Variants in CEP112 observed in about 807,000 individuals in gnomAD.
The protein encoded by CEP112 is centrosomal protein 112.
Under a neutral mutation model 153.0 loss-of-function variants are expected in CEP112, and 127 were observed. That is an observed-to-expected ratio of 0.83 (90% CI 0.72 to 0.96). The LOEUF is 0.96. Ranked by LOEUF, CEP112 falls within the 40% of genes least tolerant of loss-of-function variation. CEP112 has a pLI of 0.00. For missense variants in CEP112, 1,089 were observed against 1,101.2 expected (o/e 0.99, Z 0.16); for synonymous variants, 358 against 374.4 (o/e 0.96, Z 0.51).
chr17:65,889,406 C>T (rs1318519736), intron 20 of CEP112, among the ~76,000 whole-genome samples: 1 of 152,178 alleles, frequency 6.6e-6, no homozygotes, highest in African/African-American at 2.4e-5. Context: ...TATTCAGAAG[C>T]ATTTGCCCAT....
chr17:66,027,597 A>C (rs1276732830), intron 15 of CEP112, 37 bp from the exon 16 acceptor site: 1 of 1,171,192 alleles, frequency 8.5e-7, no homozygotes, highest in East Asian at 3.5e-5. Flanking sequence ...TTATACTTTA[A>C]ATTATACTAG....
chr17:65,667,359 C>T (rs556112536), intron 24 of CEP112, among the ~76,000 whole-genome samples: 9 of 151,864 alleles, frequency 5.9e-5, no homozygotes, highest in Admixed American at 2.6e-4. Context: ...TGTAGAAGCC[C>T]GATGAATTAC....
chr17:65,816,205 T>C (rs2056252524), intron 21 of CEP112, among the ~76,000 whole-genome samples: 1 of 152,038 alleles, frequency 6.6e-6, no homozygotes, highest in Non-Finnish European at 1.5e-5. Flanking sequence ...AAATCACCCA[T>C]TAAAATGTCC....
intron 4 of CEP112, among the ~76,000 whole-genome samples, chr17:66,133,009 A>G (rs1442841236): frequency 1.3e-5 from 2 of 152,072 alleles, no homozygotes; most frequent in Non-Finnish European, 2.9e-5. Context: ...ACTGCACTCC[A>G]GCCTGGGAGA....
chr17:66,133,195 C>T (rs1373704766), intron 4 of CEP112, among the ~76,000 whole-genome samples: 2 of 151,996 alleles, frequency 1.3e-5, no homozygotes, highest in Non-Finnish European at 2.9e-5. Context: ...TATGCAAATG[C>T]TATTTTTAAG....
chr17:65,789,254 C>T (rs2054458473), intron 21 of CEP112, among the ~76,000 whole-genome samples: 1 of 152,136 alleles, frequency 6.6e-6, no homozygotes, highest in South Asian at 2.1e-4. Context: ...GACAGTCCTG[C>T]CAACTTTTAC....
chr17:66,076,810 C>T (rs1424288607), intron 8 of CEP112, among the ~76,000 whole-genome samples: 2 of 152,194 alleles, frequency 1.3e-5, no homozygotes, highest in African/African-American at 4.8e-5. Context: ...CCATTTCACC[C>T]TCATGCCACC....
At position 66,027,500 on chromosome 17, in the gene CEP112, C is replaced by T. The variant is rs1335903500; in HGVS notation, c.1656+1G>A. 2.2e-6 allele frequency: 3 copies of T among 1,342,538 alleles called. No homozygotes were observed. The highest frequency in any genetic ancestry group is 2.0e-6 in the Non-Finnish European group (2 of 1,006,282). 83.2% of individuals were successfully genotyped at this position (1,342,538 alleles called of 1,614,324 possible). ...TTTATAGCTTCCATAAAACATATTA[C>T]CTTTTTTTCATAGATGTGTTTTAAA... On this transcript the variant is annotated splice_donor_variant, in intron 16 of 26. Coordinates refer to ENST00000535342, the MANE Select transcript of CEP112 (RefSeq NM_001199165.4). LOFTEE classifies it high-confidence loss of function.
chr17:65,697,032 T>C (rs2048394348), intron 23 of CEP112, among the ~76,000 whole-genome samples: 1 of 152,188 alleles, frequency 6.6e-6, no homozygotes, highest in African/African-American at 2.4e-5. Flanking sequence ...AGAAGATAAC[T>C]AGAAGAGGAA....
At chr17:65,903,448 T>C (rs2059949334) in intron 19 of CEP112, 1 of 152,206 alleles carries the variant, frequency 6.6e-6, no homozygotes, top group African/African-American at 2.4e-5. Context: ...AAATTTGAAA[T>C]TCTTATCCCT....
intron 22 of CEP112, among the ~76,000 whole-genome samples, chr17:65,743,568 ATTCT>A: frequency 6.6e-6 from 1 of 152,202 alleles, no homozygotes; most frequent in East Asian, 1.9e-4. Flanking sequence ...GAGAAAAGCT[ATTCT>A]GCTTTTCATA....
chr17:65,938,693 AC>A (rs2144430645), intron 18 of CEP112, among the ~76,000 whole-genome samples: 1 of 152,302 alleles, frequency 6.6e-6, no homozygotes, highest in East Asian at 1.9e-4. Flanking sequence ...TATACAGAAA[AC>A]CCTAAGGATT....
intron 8 of CEP112, among the ~76,000 whole-genome samples, chr17:66,071,365 T>G (rs1204822204): frequency 6.6e-6 from 1 of 152,054 alleles, no homozygotes; most frequent in African/African-American, 2.4e-5. Context: ...GACAATCTAA[T>G]TCCATGTAAA....
At chr17:66,009,925 G>A (rs903571817) in intron 16 of CEP112, among the ~76,000 whole-genome samples, 2 of 152,138 alleles carry the variant, frequency 1.3e-5, no homozygotes, top group African/African-American at 2.4e-5. Flanking sequence ...TTTTGCTTAC[G>A]ATTGTCTTGG....
intron 8 of CEP112, among the ~76,000 whole-genome samples, chr17:66,079,019 C>T (rs2067613304): frequency 6.6e-6 from 1 of 152,098 alleles, no homozygotes; most frequent in African/African-American, 2.4e-5. Flanking sequence ...TATGAAACAT[C>T]ACTAATCATC....
intron 20 of CEP112, among the ~76,000 whole-genome samples, chr17:65,883,097 T>G (rs1054025934): frequency 3.3e-5 from 5 of 152,112 alleles, no homozygotes; most frequent in African/African-American, 1.2e-4. Flanking sequence ...TTTCAGTCTC[T>G]GGGTGGAACA....
intron 12 of CEP112, among the ~76,000 whole-genome samples, chr17:66,046,861 A>G (rs536038079): frequency 1.2e-4 from 19 of 152,210 alleles, no homozygotes; most frequent in Admixed American, 6.5e-4. Context: ...AATGGCGAGG[A>G]CCACCCGCAG....
At chr17:65,983,514 G>T (rs1055280158) in intron 17 of CEP112, among the ~76,000 whole-genome samples, 5 of 152,078 alleles carry the variant, frequency 3.3e-5, no homozygotes, top group African/African-American at 1.2e-4. Context: ...TGAATGTCTT[G>T]GTGTCAGTCC....
intron 8 of CEP112, among the ~76,000 whole-genome samples, chr17:66,079,807 A>G (rs2067647084): frequency 6.6e-6 from 1 of 152,200 alleles, no homozygotes; most frequent in South Asian, 2.1e-4. Context: ...GTACCAAAAC[A>G]GGTATATAGA....
Sources: gnomAD v4.1 joint callset for allele counts (sites outside exome capture counted in the v4.1 genomes callset) on GRCh38, gnomAD v4.1.1 for gene constraint, MANE v1.5 for transcripts, NCBI Gene and HGNC (gene_info 2026-07-23, HGNC 2026-07-21) for gene names.